GPHN: variants seen among roughly 807,000 people sequenced by gnomAD.
GPHN encodes gephyrin.
A neutral mutation model predicts 95.5 loss-of-function variants in GPHN; 17 were observed. That is an observed-to-expected ratio of 0.18 (90% confidence interval 0.12 to 0.27). The LOEUF is 0.27. Ranked by LOEUF, GPHN falls within the 10% of genes least tolerant of loss-of-function variation. The pLI is 1.00. For synonymous variants in GPHN, 320 were observed against 322.5 expected (o/e 0.99, Z 0.08); for missense variants, 660 against 978.1 (o/e 0.67, Z 4.34).
chr14:67,634,042 C>T, the GPHN span, among the ~76,000 whole-genome samples: 7 of 152,140 alleles, frequency 4.6e-5, no homozygotes, highest in Non-Finnish European at 7.4e-5. Flanking sequence ...TGCACCATAC[C>T]TTATTTCTGC....
the GPHN span, among the ~76,000 whole-genome samples, chr14:67,348,562 C>T: frequency 4.0e-5 from 6 of 151,796 alleles, no homozygotes; most frequent in African/African-American, 7.3e-5. Context: ...TGCTCTGTCA[C>T]CCAGGCTGGA....
intron 17 of GPHN, among the ~76,000 whole-genome samples, chr14:67,126,272 A>C (rs943494002): frequency 1.3e-5 from 2 of 152,316 alleles, no homozygotes; most frequent in African/African-American, 4.8e-5. Context: ...TTATACTACT[A>C]GTTAGTGGCA....
chr14:67,296,204 AGGAAAAG>A, the GPHN span, among the ~76,000 whole-genome samples: 1 of 152,186 alleles, frequency 6.6e-6, no homozygotes, highest in African/African-American at 2.4e-5. Context: ...CGTAAGAAAG[AGGAAAAG>A]GCATTCCATG....
the GPHN span, chr14:67,364,341 G>A: frequency 6.5e-6 from 1 of 154,632 alleles, no homozygotes; most frequent in Non-Finnish European, 1.4e-5. Flanking sequence ...TATAGTGAGT[G>A]GTAGCGTATA....
chr14:66,631,583 A>G, intron 1 of GPHN, among the ~76,000 whole-genome samples: 1 of 152,184 alleles, frequency 6.6e-6, no homozygotes, highest in East Asian at 1.9e-4. Flanking sequence ...ATTGTATCTC[A>G]TAGATTCAAA....
At chr14:67,506,077 C>T in the GPHN span, among the ~76,000 whole-genome samples, 2 of 152,132 alleles carry the variant, frequency 1.3e-5, no homozygotes, top group Non-Finnish European at 2.9e-5. Context: ...TCTGAGAATC[C>T]GATAAAAATA....
the GPHN span, among the ~76,000 whole-genome samples, chr14:67,609,587 C>T: frequency 6.6e-6 from 1 of 152,026 alleles, no homozygotes; most frequent in Non-Finnish European, 1.5e-5. Context: ...ATTTCAAGTC[C>T]CTGAGCACAT....
chr14:67,159,943 A>G (rs912553212), intron 19 of GPHN, among the ~76,000 whole-genome samples: 1 of 152,208 alleles, frequency 6.6e-6, no homozygotes, highest in Non-Finnish European at 1.5e-5. Flanking sequence ...CATCTGAAAT[A>G]ATAATACTAA....
chr14:67,509,930 A>T, the GPHN span, among the ~76,000 whole-genome samples: 1 of 152,196 alleles, frequency 6.6e-6, no homozygotes, highest in African/African-American at 2.4e-5. Flanking sequence ...GGATCACTTG[A>T]ACCCAGGAGT....
At chr14:67,639,255 A>G in the GPHN span, among the ~76,000 whole-genome samples, 2 of 152,138 alleles carry the variant, frequency 1.3e-5, no homozygotes, top group Non-Finnish European at 2.9e-5. Flanking sequence ...CCTGGTTTGC[A>G]TGATTGGACT....
intron 11 of GPHN, among the ~76,000 whole-genome samples, chr14:67,074,610 C>G (rs2076426566): frequency 1.3e-5 from 2 of 152,004 alleles, no homozygotes; most frequent in Non-Finnish European, 2.9e-5. Context: ...CATTTTAAAT[C>G]AAAAGCTGGA....
At chr14:67,580,968 G>A in the GPHN span, 13 of 1,613,318 alleles carry the variant, frequency 8.1e-6, no homozygotes, top group African/African-American at 4.0e-5. Context: ...GTGGGAACAA[G>A]CCATGAAGGA....
chr14:67,076,557 T>C (rs915593384), intron 11 of GPHN, among the ~76,000 whole-genome samples: 1 of 152,174 alleles, frequency 6.6e-6, no homozygotes, highest in African/African-American at 2.4e-5. Context: ...TTCCTACTGA[T>C]GGTCATTTTA....
intron 4 of GPHN, among the ~76,000 whole-genome samples, chr14:66,864,790 C>A (rs111566859): frequency 0.016 from 2,372 of 151,642 alleles, 33 homozygotes; most frequent in Non-Finnish European, 0.018. Flanking sequence ...AAAAGTGGAA[C>A]TCAGTATTTC....
At chr14:66,610,608 C>T (rs1435599840) in intron 1 of GPHN, among the ~76,000 whole-genome samples, 1 of 152,074 alleles carries the variant, frequency 6.6e-6, no homozygotes, top group Non-Finnish European at 1.5e-5. Flanking sequence ...TTGAAATAGA[C>T]AATAATTGTC....
rs1291284803 is a variant in GPHN at position 66,985,769 on chromosome 14, A to C, written c.963+20444A>C. ...TATGTTTCTAACATTTTTTGGCAAG[A>C]TTTCGTCTATAGCCTACACTTCTTC... is the stretch of plus-strand genomic sequence containing the variant. On this transcript the variant is annotated intron_variant, in intron 9 of 22. Coordinates refer to ENST00000478722, the MANE Select transcript of GPHN (RefSeq NM_020806.5). 7 of 1,312,698 alleles carry C rather than the reference A, an allele frequency of 5.3e-6. No individual in the cohort carries two copies. In the African/African-American group the frequency reaches 8.7e-5, roughly 16 times the overall value. 81.3% of individuals were successfully genotyped at this position (1,312,698 alleles called of 1,614,324 possible).
intron 9 of GPHN, among the ~76,000 whole-genome samples, chr14:67,007,285 G>C (rs935660615): frequency 6.6e-6 from 1 of 151,996 alleles, no homozygotes; most frequent in African/African-American, 2.4e-5. Flanking sequence ...CATGTTTCTG[G>C]GCTATGAGTT....
At chr14:66,520,697 T>C (rs1230227591) in intron 1 of GPHN, among the ~76,000 whole-genome samples, 10 of 125,928 alleles carry the variant, frequency 7.9e-5, no homozygotes, top group Non-Finnish European at 4.5e-5. Flanking sequence ...AGAGGAAATA[T>C]TTTCTTTTTT....
At chr14:67,473,956 A>G in the GPHN span, 12 of 1,573,308 alleles carry the variant, frequency 7.6e-6, no homozygotes, top group Non-Finnish European at 7.8e-6. This position sits in a 1 kb window ranked among gnomAD's most constrained non-coding sequence, Gnocchi z 6.5. Flanking sequence ...GGGGGGCGCA[A>G]GAGAGACAGG....
Sources: allele counts gnomAD v4.1 joint callset (sites outside exome capture counted in the v4.1 genomes callset), GRCh38; gene constraint gnomAD v4.1.1; non-coding constraint Gnocchi (gnomAD v3.1); transcripts MANE v1.5; gene names NCBI Gene and HGNC (gene_info 2026-07-23, HGNC 2026-07-21).